TRUB1: variants seen among roughly 807,000 people sequenced by gnomAD.
TRUB1 encodes pseudouridylate synthase TRUB1.
In TRUB1, 23 loss-of-function variants were observed where a neutral mutation model predicts 33.9. The ratio of observed to expected loss-of-function variants is 0.68; its 90% CI spans 0.49 to 0.96. The LOEUF is 0.96. Ranked by LOEUF, TRUB1 falls within the 40% of genes least tolerant of loss-of-function variation. The pLI is 0.00. For missense variants in TRUB1, 378 were observed against 422.2 expected, an observed-to-expected ratio of 0.90 and a Z score of 0.92; for synonymous variants, 163 against 165.4, an observed-to-expected ratio of 0.99 and a Z score of 0.11.
chr10:114,974,645 C>G (rs2084351941), intron 7 of TRUB1, among the ~76,000 whole-genome samples: 1 of 151,330 alleles, frequency 6.6e-6, no homozygotes, highest in Non-Finnish European at 1.5e-5. Context: ...GGGCCAACAT[C>G]TTTTCAAGTA....
intron 2 of TRUB1, among the ~76,000 whole-genome samples, chr10:114,943,509 G>A (rs1005688106): frequency 4.0e-5 from 6 of 151,800 alleles, no homozygotes; most frequent in African/African-American, 9.7e-5. Context: ...CAGCCTGGGC[G>A]ACAGAGGGAG....
chr10:114,945,829 A>T (rs977611814), intron 2 of TRUB1, among the ~76,000 whole-genome samples: 1 of 152,178 alleles, frequency 6.6e-6, no homozygotes, highest in Non-Finnish European at 1.5e-5. Flanking sequence ...TAGTATTGTG[A>T]AGGGGCTGAG....
intron 4 of TRUB1, among the ~76,000 whole-genome samples, chr10:114,968,619 C>T (rs921630293): frequency 2.6e-4 from 40 of 152,172 alleles, no homozygotes; most frequent in African/African-American, 9.2e-4. Context: ...ATGAACAGAT[C>T]AGCCATCTGA....
chr10:114,970,681 G>C (rs1564702051), intron 5 of TRUB1, among the ~76,000 whole-genome samples: 2 of 152,298 alleles, frequency 1.3e-5, no homozygotes, highest in East Asian at 3.9e-4. Context: ...TGCTATTACA[G>C]TGTTTATTGG....
At position 114,975,564 on chromosome 10, in the gene TRUB1, A is replaced by G; in HGVS notation, c.*185A>G. 2.0e-6 allele frequency: 1 copy of G among 493,084 alleles called. No homozygotes were observed. The highest frequency in any genetic ancestry group is 3.4e-6 in the Non-Finnish European group (1 of 292,084). The allele number at this position is 493,084 out of a possible 1,614,324, so 30.5% of individuals were successfully genotyped here. A position where few individuals can be genotyped will look rare whatever the true frequency, so the allele number is the denominator to read the frequency against. Reference sequence around the variant, plus strand: ...TTCTATGCATTATAAATGGCCTTGCAGTTGGCTCAGTTGTTTGTTGTGTTG... The same window carrying G: ...TTCTATGCATTATAAATGGCCTTGCGGTTGGCTCAGTTGTTTGTTGTGTTG... On this transcript the variant is annotated 3_prime_UTR_variant, in exon 8 of 8. Transcript: ENST00000298746.
intron 4 of TRUB1, among the ~76,000 whole-genome samples, chr10:114,967,370 G>A (rs1411738055): frequency 1.3e-5 from 2 of 152,100 alleles, no homozygotes; most frequent in Non-Finnish European, 2.9e-5. Context: ...GCTGTTTATG[G>A]TGGCAAGATT....
intron 7 of TRUB1, among the ~76,000 whole-genome samples, chr10:114,974,813 C>T (rs2084352801): frequency 6.6e-6 from 1 of 152,014 alleles, no homozygotes; most frequent in African/African-American, 2.4e-5. Flanking sequence ...TCGCACTGGA[C>T]AGGTCATATG....
At chr10:114,951,959 T>C (rs2084237525) in intron 3 of TRUB1, among the ~76,000 whole-genome samples, 1 of 152,224 alleles carries the variant, frequency 6.6e-6, no homozygotes, top group Non-Finnish European at 1.5e-5. Context: ...AAAAATCTGT[T>C]GTCAAAGACC....
At chr10:114,954,274 A>G (rs936540055) in intron 3 of TRUB1, among the ~76,000 whole-genome samples, 4 of 152,204 alleles carry the variant, frequency 2.6e-5, no homozygotes, top group Non-Finnish European at 5.9e-5. Flanking sequence ...TTACAGCCAT[A>G]TTACAGAACA....
In TRUB1 at chr10:114,959,746, A is replaced by G. The variant is rs142380152; in HGVS notation, c.462A>G (p.Glu154=). The change falls in exon 4 of 8, where the codon GAA becomes GAG. Residue 154 remains glutamate (E), a synonymous_variant. Coordinates refer to ENST00000298746, the MANE Select transcript of TRUB1 (RefSeq NM_139169.5). The stretch of plus-strand genomic sequence containing the variant: ...TCTAGAGATATACTGCCATTGGAGA[A>G]CTGGGGAAAGCTACTGATACACTAG... ...SGSKRYTAIG[E]LGKATDTLDS... is the part of the protein sequence containing the mutation. The G allele has an allele frequency of 6.2e-7, 1 of 1,609,776 alleles. No homozygotes were observed. The highest frequency in any genetic ancestry group is 2.2e-5 in the East Asian group (1 of 44,834).
At chr10:114,945,083 A>G (rs371569072) in intron 2 of TRUB1, among the ~76,000 whole-genome samples, 1 of 152,218 alleles carries the variant, frequency 6.6e-6, no homozygotes, top group Non-Finnish European at 1.5e-5. Flanking sequence ...ATTGTAACCT[A>G]TAAGAGAGGT....
intron 3 of TRUB1, among the ~76,000 whole-genome samples, chr10:114,956,917 G>T (rs2084263996): frequency 6.6e-6 from 1 of 152,108 alleles, no homozygotes; most frequent in South Asian, 2.1e-4. Flanking sequence ...ATTTTGATTT[G>T]ATTTGATTTG....
intron 4 of TRUB1, among the ~76,000 whole-genome samples, chr10:114,963,783 A>G (rs1269425324): frequency 6.6e-6 from 1 of 152,174 alleles, no homozygotes; most frequent in Non-Finnish European, 1.5e-5. Context: ...ATGTTGGTAC[A>G]TGTATGAGTA....
At chr10:114,973,172 C>T (rs2084344677) in intron 6 of TRUB1, among the ~76,000 whole-genome samples, 1 of 152,020 alleles carries the variant, frequency 6.6e-6, no homozygotes, top group Non-Finnish European at 1.5e-5. Flanking sequence ...TTTGTTTCTT[C>T]ATGTTCCTGC....
intron 3 of TRUB1, 61 bp from the exon 4 acceptor site, chr10:114,959,665 C>A: frequency 9.6e-7 from 1 of 1,036,420 alleles, no homozygotes; most frequent in Non-Finnish European, 1.5e-6. Flanking sequence ...AACTTCAAGA[C>A]ATGCATAACA....
At chr10:114,972,398 A>G in intron 6 of TRUB1, 124 bp downstream of exon 6, 1 of 1,137,572 alleles carries the variant, frequency 8.8e-7, no homozygotes, top group Non-Finnish European at 1.2e-6. Context: ...GAATTTAAGG[A>G]AAGTTAGGAT....
At chr10:114,953,121 T>A (rs1193912479) in intron 3 of TRUB1, among the ~76,000 whole-genome samples, 1 of 152,216 alleles carries the variant, frequency 6.6e-6, no homozygotes, top group Non-Finnish European at 1.5e-5. Context: ...AAGATTTTAC[T>A]TGTAAATTTC....
intron 5 of TRUB1, among the ~76,000 whole-genome samples, chr10:114,970,906 A>T (rs1241474593): frequency 6.6e-6 from 1 of 152,202 alleles, no homozygotes; most frequent in East Asian, 1.9e-4. Context: ...AACCGATGAG[A>T]GTTACAACTT....
chr10:114,969,315 C>A (rs768659719), intron 4 of TRUB1: 2 of 151,196 alleles, frequency 1.3e-5, no homozygotes, highest in Non-Finnish European at 2.9e-5. Flanking sequence ...CGCCTGTAAT[C>A]CCAGCTGCTT....
Sources: allele counts gnomAD v4.1 joint callset (sites outside exome capture counted in the v4.1 genomes callset), GRCh38; gene constraint gnomAD v4.1.1; transcripts MANE v1.5; gene names NCBI Gene and HGNC (gene_info 2026-07-23, HGNC 2026-07-21).